Variants in CALN1 observed in about 807,000 individuals in gnomAD.
CALN1 encodes the protein calcium-binding protein 8.
Under a neutral mutation model 30.6 loss-of-function variants are expected in CALN1, and 17 were observed. The ratio of observed to expected loss-of-function variants is 0.56; its 90% confidence interval spans 0.38 to 0.83. CALN1 has a LOEUF of 0.83. Among genes scored for constraint, CALN1 ranks in the 40% least tolerant of loss-of-function variants. The probability of loss-of-function intolerance (pLI) is 0.00; values close to 1 mark genes in which losing one functional copy is unlikely to be tolerated. For synonymous variants in CALN1, 156 were observed against 131.4 expected (o/e 1.19, Z -1.28); for missense variants, 291 against 354.9 (o/e 0.82, Z 1.45).
At chr7:72,357,862 ATG>A (rs1803330732) in intron 2 of CALN1, among the ~76,000 whole-genome samples, 1 of 148,278 alleles carries the variant, frequency 6.7e-6, no homozygotes, top group East Asian at 2.0e-4. Context: ...ATTTATATAT[ATG>A]TGTGTTTTTT....
intron 5 of CALN1, among the ~76,000 whole-genome samples, chr7:71,887,548 C>T (rs1792987570): frequency 6.6e-6 from 1 of 152,182 alleles, no homozygotes; most frequent in Non-Finnish European, 1.5e-5. Context: ...ATCCACCCGC[C>T]TCGGCCTCCC....
chr7:72,298,548 C>T (rs1391267724), intron 2 of CALN1, among the ~76,000 whole-genome samples: 18 of 152,126 alleles, frequency 1.2e-4, no homozygotes, highest in Non-Finnish European at 2.5e-4. Flanking sequence ...CCTGTTAGAT[C>T]AGCATGATCA....
chr7:72,123,639 C>T (rs113994573), intron 3 of CALN1, among the ~76,000 whole-genome samples: 1,954 of 152,198 alleles, frequency 0.013, 44 homozygotes, highest in African/African-American at 0.044. Context: ...CCCAGGGAAC[C>T]GCTCCCCTCT....
upstream of CALN1, among the ~76,000 whole-genome samples, chr7:72,450,706 T>C (rs904431191): frequency 5.9e-5 from 9 of 151,488 alleles, no homozygotes; most frequent in African/African-American, 2.2e-4. Context: ...ATGGCAAAAC[T>C]CCATCTCTAC....
At chr7:72,223,638 T>C (rs1793463447) in intron 3 of CALN1, among the ~76,000 whole-genome samples, 1 of 152,250 alleles carries the variant, frequency 6.6e-6, no homozygotes, top group Middle Eastern at 3.4e-3. Context: ...GAACTACCAT[T>C]TGACCCAGCA....
At chr7:71,816,299 A>G (rs377130967) in intron 5 of CALN1, among the ~76,000 whole-genome samples, 1 of 152,318 alleles carries the variant, frequency 6.6e-6, no homozygotes, top group East Asian at 1.9e-4. Flanking sequence ...ATTAGAGTTT[A>G]ACGATCCTAG....
intron 5 of CALN1, among the ~76,000 whole-genome samples, chr7:71,856,453 C>A (rs1167200573): frequency 6.6e-6 from 1 of 151,838 alleles, no homozygotes; most frequent in Non-Finnish European, 1.5e-5. Flanking sequence ...CACACCTGGT[C>A]AATATCTTTG....
chr7:71,793,063 G>C (rs563083330), intron 6 of CALN1, among the ~76,000 whole-genome samples: 1 of 152,190 alleles, frequency 6.6e-6, no homozygotes, highest in East Asian at 1.9e-4. Flanking sequence ...CCAGCACTTT[G>C]GGAGGCTGAG....
chr7:72,222,021 T>A (rs531846104), intron 3 of CALN1, among the ~76,000 whole-genome samples: 28 of 151,936 alleles, frequency 1.8e-4, no homozygotes, highest in African/African-American at 6.7e-4. Context: ...GGCTCAGGTG[T>A]TTGAGACCAG....
At chr7:72,054,893 G>C (rs189252361) in intron 4 of CALN1, among the ~76,000 whole-genome samples, 8 of 152,018 alleles carry the variant, frequency 5.3e-5, no homozygotes, top group African/African-American at 7.2e-5. Flanking sequence ...ATGTGCTCTG[G>C]AAACTAAAAT....
chr7:72,034,353 C>CAAAAA (rs34276736), intron 4 of CALN1, among the ~76,000 whole-genome samples: 5 of 90,306 alleles, frequency 5.5e-5, no homozygotes, highest in East Asian at 3.9e-4. Flanking sequence ...GACTCTGTCT[C>CAAAAA]AAAAAAAAAA....
intron 2 of CALN1, among the ~76,000 whole-genome samples, chr7:72,361,962 T>G (rs1409841526): frequency 6.6e-6 from 1 of 152,162 alleles, no homozygotes; most frequent in Non-Finnish European, 1.5e-5. Flanking sequence ...TTACGCAGTT[T>G]TATTCATAAT....
chr7:72,105,816 G>T (rs1276438677), intron 4 of CALN1, among the ~76,000 whole-genome samples: 1 of 106,232 alleles, frequency 9.4e-6, no homozygotes, highest in African/African-American at 3.5e-5. Context: ...GAGGAGGAGG[G>T]GGAGGGAGAG....
intron 2 of CALN1, among the ~76,000 whole-genome samples, chr7:72,361,147 G>C (rs902636961): frequency 6.6e-6 from 1 of 151,972 alleles, no homozygotes; most frequent in Non-Finnish European, 1.5e-5. Flanking sequence ...TTCTCCACAG[G>C]TTATTCATGC....
intron 3 of CALN1, among the ~76,000 whole-genome samples, chr7:72,184,266 C>G (rs906838443): frequency 6.6e-5 from 10 of 152,164 alleles, no homozygotes; most frequent in African/African-American, 2.4e-4. Context: ...CCCGGACAGC[C>G]TAAGTTTGAA....
At chr7:72,490,994 C>T in the CALN1 span, among the ~76,000 whole-genome samples, 22,381 of 152,078 alleles carry the variant, frequency 0.15, 1,797 homozygotes, top group African/African-American at 0.18. Flanking sequence ...CCTGTAATCC[C>T]AGCACTTTGG....
At chr7:71,990,368 G>A (rs532482010) in intron 5 of CALN1, among the ~76,000 whole-genome samples, 15 of 152,122 alleles carry the variant, frequency 9.9e-5, no homozygotes, top group Middle Eastern at 6.8e-3. Context: ...TAATCCATCC[G>A]TCGTTTAGCA....
chr7:72,152,525 C>T (rs529358235), intron 3 of CALN1, among the ~76,000 whole-genome samples: 1 of 152,134 alleles, frequency 6.6e-6, no homozygotes, highest in South Asian at 2.1e-4. Context: ...TTGATACAAC[C>T]TATCTACCTG....
intron 3 of CALN1, among the ~76,000 whole-genome samples, chr7:72,116,290 T>C (rs1807979568): frequency 6.6e-6 from 1 of 152,170 alleles, no homozygotes; most frequent in Non-Finnish European, 1.5e-5. Flanking sequence ...TCACAAAGCA[T>C]TTTAGGCAGT....
Sources: allele counts gnomAD v4.1 joint callset (sites outside exome capture counted in the v4.1 genomes callset), GRCh38; gene constraint gnomAD v4.1.1; transcripts MANE v1.5; gene names NCBI Gene and HGNC (gene_info 2026-07-23, HGNC 2026-07-21).